Variants in ARHGEF38 observed in about 807,000 individuals in gnomAD.
ARHGEF38 encodes Rho guanine nucleotide exchange factor 38.
ARHGEF38 carries 79 observed loss-of-function variants against 79.9 expected under a neutral mutation model. The ratio of observed to expected loss-of-function variants is 0.99; its 90% confidence interval spans 0.82 to 1.19. The LOEUF (loss-of-function observed/expected upper bound fraction) is 1.19. ARHGEF38 is among the 50% of genes most tolerant of loss of function. The pLI is 0.00. For missense variants in ARHGEF38, 962 were observed against 907.2 expected (o/e 1.06, Z -0.78); for synonymous variants, 366 against 328.3 (o/e 1.11, Z -1.24).
intron 5 of ARHGEF38, among the ~76,000 whole-genome samples, chr4:105,643,785 T>C (rs1729717775): frequency 6.6e-6 from 1 of 152,106 alleles, no homozygotes; most frequent in Non-Finnish European, 1.5e-5. Flanking sequence ...TTTCTCCACA[T>C]TGTGTGCATG....
rs1328838651 is a variant in ARHGEF38, at chr4:105,679,968, A to C, written c.*2031A>C. ...GTGTAATTTCTCTTTGTGACTGTGC[A>C]ATGTCCCCATGTAAACACAGTGCAT... On this transcript the variant is annotated 3_prime_UTR_variant, in exon 14 of 14. Transcript: ENST00000420470. 1 of 1,330,098 alleles carries C rather than the reference A, an allele frequency of 7.5e-7. No homozygotes were observed. Among genetic ancestry groups the C allele is most frequent in the African/African-American group, 1.4e-5 (1 of 69,232 alleles). The allele number at this position is 1,330,098 out of a possible 1,614,324, so 82.4% of individuals were successfully genotyped here.
At chr4:105,561,944 A>G (rs1235376010) in intron 1 of ARHGEF38, among the ~76,000 whole-genome samples, 2 of 152,174 alleles carry the variant, frequency 1.3e-5, no homozygotes, top group Non-Finnish European at 2.9e-5. Flanking sequence ...TAGGAAATAC[A>G]TGGGAGAAGC....
chr4:105,604,254 G>A (rs371005519), intron 2 of ARHGEF38, among the ~76,000 whole-genome samples: 1 of 152,086 alleles, frequency 6.6e-6, no homozygotes, highest in East Asian at 1.9e-4. Context: ...ATTCCCCAAG[G>A]GAAAAAATGT....
chr4:105,561,469 A>AGAATAGAATAGAATAGAATGGAATG (rs1725585127), intron 1 of ARHGEF38: 1 of 49,658 alleles, frequency 2.0e-5, no homozygotes, highest in African/African-American at 8.7e-5. Flanking sequence ...AGAATAGAAT[A>AGAATAGAATAGAATAGAATGGAATG]GAATAGAATA....
chr4:105,605,325 T>A (rs1377795940), intron 2 of ARHGEF38, among the ~76,000 whole-genome samples: 2 of 152,150 alleles, frequency 1.3e-5, no homozygotes, highest in Admixed American at 6.6e-5. Context: ...TTGGACTTCT[T>A]AACTCAGGGA....
chr4:105,636,864 T>A (rs928957890), intron 5 of ARHGEF38, among the ~76,000 whole-genome samples: 2 of 152,050 alleles, frequency 1.3e-5, no homozygotes, highest in African/African-American at 2.4e-5. Context: ...AAGTCTTGTA[T>A]GATTTATGGA....
intron 3 of ARHGEF38, among the ~76,000 whole-genome samples, chr4:105,628,971 A>G (rs1329139369): frequency 6.6e-6 from 1 of 152,156 alleles, no homozygotes; most frequent in African/African-American, 2.4e-5. Context: ...CTATCACCCC[A>G]TTTCATTCTC....
intron 1 of ARHGEF38, among the ~76,000 whole-genome samples, chr4:105,577,930 T>C (rs28810205): frequency 3.9e-5 from 6 of 152,214 alleles, no homozygotes; most frequent in African/African-American, 1.4e-4. Flanking sequence ...CTTTTGGTTC[T>C]GCTCTGATCT....
intron 6 of ARHGEF38, 143 bp downstream of exon 6, chr4:105,645,530 G>T (rs1302032983): frequency 5.4e-6 from 4 of 734,116 alleles, no homozygotes; most frequent in East Asian, 5.7e-5. Flanking sequence ...GGAGAGAAGA[G>T]TGTGGTTTTG....
At chr4:105,613,296 C>A in intron 2 of ARHGEF38, 88 bp from the exon 3 acceptor site, 1 of 1,425,102 alleles carries the variant, frequency 7.0e-7, no homozygotes, top group Non-Finnish European at 9.4e-7. Context: ...ACAGCATGCG[C>A]TGGCATTTAA....
intron 7 of ARHGEF38, among the ~76,000 whole-genome samples, chr4:105,650,149 A>C (rs1247483359): frequency 1.3e-5 from 2 of 152,196 alleles, no homozygotes; most frequent in Admixed American, 6.5e-5. Flanking sequence ...TTACCTTTGA[A>C]TGTGCAGACT....
chr4:105,591,932 T>C (rs2110462017), intron 2 of ARHGEF38, among the ~76,000 whole-genome samples: 1 of 152,330 alleles, frequency 6.6e-6, no homozygotes, highest in Non-Finnish European at 1.5e-5. Context: ...TTTTCTTTAT[T>C]TTATTAACAT....
chr4:105,613,986 T>C (rs1052174270), intron 3 of ARHGEF38, among the ~76,000 whole-genome samples: 39 of 152,164 alleles, frequency 2.6e-4, no homozygotes, highest in African/African-American at 9.2e-4. Flanking sequence ...TTCTACTTTT[T>C]TTCATGCTCT....
At chr4:105,603,513 AG>A (rs1727911918) in intron 2 of ARHGEF38, among the ~76,000 whole-genome samples, 1 of 152,092 alleles carries the variant, frequency 6.6e-6, no homozygotes, top group African/African-American at 2.4e-5. Flanking sequence ...GGCCTTTTTC[AG>A]GCTATTCCCA....
intron 1 of ARHGEF38, among the ~76,000 whole-genome samples, chr4:105,582,985 A>G (rs1202501228): frequency 6.6e-6 from 1 of 152,132 alleles, no homozygotes; most frequent in Non-Finnish European, 1.5e-5. Context: ...CTCAGTATAT[A>G]TTTTTGTACT....
At chr4:105,563,353 T>C (rs1197369702) in intron 1 of ARHGEF38, 2 of 152,234 alleles carry the variant, frequency 1.3e-5, no homozygotes, top group African/African-American at 4.8e-5. Context: ...CTGGTCCTCA[T>C]ACATGGAACA....
intron 13 of ARHGEF38, among the ~76,000 whole-genome samples, chr4:105,668,780 G>T (rs1230473356): frequency 6.6e-6 from 1 of 152,162 alleles, no homozygotes; most frequent in African/African-American, 2.4e-5. Context: ...GGGCTTGGTG[G>T]CTCATGCCTG....
intron 1 of ARHGEF38, chr4:105,563,433 A>G (rs1725734315): frequency 6.6e-6 from 1 of 152,250 alleles, no homozygotes; most frequent in African/African-American, 2.4e-5. Flanking sequence ...CCAACTGAAC[A>G]TCTGTAGTAG....
At chr4:105,648,285 A>G (rs1180258405) in intron 6 of ARHGEF38, among the ~76,000 whole-genome samples, 1 of 152,014 alleles carries the variant, frequency 6.6e-6, no homozygotes, top group African/African-American at 2.4e-5. Context: ...TTTTTCTAGT[A>G]TCAGGGATTT....
Sources: allele counts gnomAD v4.1 joint callset (sites outside exome capture counted in the v4.1 genomes callset), GRCh38; gene constraint gnomAD v4.1.1; transcripts MANE v1.5; gene names NCBI Gene and HGNC (gene_info 2026-07-23, HGNC 2026-07-21).